AVEN: variants seen among roughly 807,000 people sequenced by gnomAD.
AVEN encodes the protein cell death regulator Aven.
AVEN carries 41 observed loss-of-function variants against 38.1 expected under a neutral mutation model. The observed-to-expected ratio is 1.08, with a 90% CI of 0.84 to 1.40. AVEN has a LOEUF of 1.40. Ranked by LOEUF, AVEN falls within the 40% of genes most tolerant of loss-of-function variation. The probability of loss-of-function intolerance (pLI) is 0.00; values close to 1 mark genes in which losing one functional copy is unlikely to be tolerated. For synonymous variants in AVEN, 206 were observed against 171.8 expected (o/e 1.20, Z -1.56); for missense variants, 605 against 438.8 (o/e 1.38, Z -3.38).
At chr15:34,056,667 G>A (rs1475487515) in intron 5 of AVEN, among the ~76,000 whole-genome samples, 1 of 152,132 alleles carries the variant, frequency 6.6e-6, no homozygotes, top group Non-Finnish European at 1.5e-5. Flanking sequence ...TCTCCTCAAG[G>A]TTGTTCTGCT....
At chr15:33,877,376 A>C (rs540528842) in intron 2 of AVEN, among the ~76,000 whole-genome samples, 1 of 152,380 alleles carries the variant, frequency 6.6e-6, no homozygotes, top group South Asian at 2.1e-4. Context: ...AAAGCAGGGG[A>C]CAACAGCATG....
intron 2 of AVEN, among the ~76,000 whole-genome samples, chr15:33,936,667 C>A (rs1339681554): frequency 7.2e-5 from 11 of 152,158 alleles, no homozygotes; most frequent in African/African-American, 2.7e-4. Flanking sequence ...ATTTAATCAA[C>A]TTCTCCTAAA....
At chr15:33,865,308 T>C (rs1197733506), downstream of AVEN, 48 of 912,652 alleles carry the variant, frequency 5.3e-5, no homozygotes, top group East Asian at 7.1e-4. Context: ...CTGCAACATA[T>C]CTGAAATGTG....
chr15:33,962,498 G>A (rs1895227134), intron 2 of AVEN, among the ~76,000 whole-genome samples: 1 of 152,088 alleles, frequency 6.6e-6, no homozygotes. Context: ...TTATACCTCT[G>A]TATATTCCTG....
intron 3 of AVEN, among the ~76,000 whole-genome samples, chr15:33,875,383 G>C (rs1891175325): frequency 6.6e-6 from 1 of 152,152 alleles, no homozygotes; most frequent in African/African-American, 2.4e-5. Context: ...AAAATAATCA[G>C]AACTCCTTGG....
At chr15:34,026,645 C>G (rs1427236333) in intron 1 of AVEN, among the ~76,000 whole-genome samples, 2 of 151,946 alleles carry the variant, frequency 1.3e-5, no homozygotes, top group Non-Finnish European at 2.9e-5. Flanking sequence ...ACAATCAGAA[C>G]AAGGATCACT....
In AVEN at chr15:33,921,742, T is replaced by A. The variant is rs1597233756; in HGVS notation, c.446-45747A>T. On this transcript the variant is annotated intron_variant, in intron 2 of 5. Coordinates refer to ENST00000306730, the MANE Select transcript of AVEN (RefSeq NM_020371.3). The stretch of plus-strand genomic sequence containing the variant: ...CTTTCCTATTCTGAAGAGACAAGAA[T>A]CATACTCAAAATGTAAGCACATCCA... 5.1e-5 allele frequency among the ~76,000 whole-genome samples: 4 copies of A among 78,218 alleles called. No homozygotes were observed. The East Asian group carries it at 2.3e-3, about 44-fold the overall frequency. 51.3% of individuals were successfully genotyped at this position (78,218 alleles called of 152,430 possible). A position where few individuals can be genotyped will look rare whatever the true frequency, so the allele number is the denominator to read the frequency against.
chr15:34,069,510 A>G (rs1158654796), intron 2 of AVEN, among the ~76,000 whole-genome samples: 1 of 152,228 alleles, frequency 6.6e-6, no homozygotes, highest in Non-Finnish European at 1.5e-5. Context: ...TTTCCTTATT[A>G]GATTCCATTT....
At chr15:33,922,227 T>C (rs1181829445) in intron 2 of AVEN, among the ~76,000 whole-genome samples, 2 of 152,166 alleles carry the variant, frequency 1.3e-5, no homozygotes, top group Non-Finnish European at 2.9e-5. Flanking sequence ...TGATTCCTAA[T>C]GGAAACAGCT....
At chr15:33,994,737 G>A (rs1478759406) in intron 2 of AVEN, among the ~76,000 whole-genome samples, 1 of 152,014 alleles carries the variant, frequency 6.6e-6, no homozygotes, top group East Asian at 1.9e-4. Context: ...CTGTTACAAT[G>A]GAAATCTACT....
chr15:33,980,562 A>G (rs1896092125), intron 2 of AVEN, among the ~76,000 whole-genome samples: 2 of 152,112 alleles, frequency 1.3e-5, no homozygotes, highest in African/African-American at 4.8e-5. Flanking sequence ...ATCCTGGGAG[A>G]TCAGGCAAAA....
intron 5 of AVEN, among the ~76,000 whole-genome samples, chr15:34,047,810 G>T (rs1275851925): frequency 6.6e-6 from 1 of 152,006 alleles, no homozygotes; most frequent in Non-Finnish European, 1.5e-5. Context: ...GTGCAATGGC[G>T]CAATCTCGGC....
chr15:33,949,063 G>T (rs1485757986), intron 2 of AVEN, among the ~76,000 whole-genome samples: 4 of 152,038 alleles, frequency 2.6e-5, no homozygotes, highest in African/African-American at 7.2e-5. Context: ...TGCCCTTGTT[G>T]CCCAGGCTAG....
chr15:33,922,988 G>A (rs894161730), intron 2 of AVEN, among the ~76,000 whole-genome samples: 1 of 152,066 alleles, frequency 6.6e-6, no homozygotes, highest in African/African-American at 2.4e-5. Context: ...TCATGTATAT[G>A]TGTATATATA....
In AVEN at chr15:33,871,010, A is replaced by AT. The variant is rs1293316794; in HGVS notation, c.536dup (p.Asp179GlufsTer2). On this transcript the variant is annotated frameshift_variant, in exon 4 of 6. Transcript: ENST00000306730. LOFTEE classifies it high-confidence loss of function. ...GAAGGGCTCGAACCAATAACTCACT[A>AT]TCCACATAAAATGCTGAATTCTATA... 16 of 1,601,936 alleles carry AT rather than the reference A, an allele frequency of 1.0e-5. No homozygotes were observed. Among genetic ancestry groups the AT allele is most frequent in the African/African-American group, 1.3e-5 (1 of 74,674 alleles).
intron 1 of AVEN, among the ~76,000 whole-genome samples, chr15:34,006,286 G>A (rs1036803788): frequency 1.8e-4 from 28 of 151,596 alleles, no homozygotes; most frequent in African/African-American, 5.8e-4. Flanking sequence ...AATCCAGCCC[G>A]GGCAACAGAG....
upstream of AVEN, among the ~76,000 whole-genome samples, chr15:34,042,558 G>A (rs558716777): frequency 1.1e-4 from 16 of 151,590 alleles, no homozygotes; most frequent in Non-Finnish European, 1.9e-4. Flanking sequence ...GCACCACCAC[G>A]CCCGGCTAAT....
intron 1 of AVEN, among the ~76,000 whole-genome samples, chr15:34,073,347 G>A (rs1416148911): frequency 2.7e-5 from 4 of 149,270 alleles, no homozygotes; most frequent in South Asian, 4.3e-4. Context: ...GAGCCACCGC[G>A]CCCGGCCTGT....
chr15:33,977,360 G>A (rs780598485), intron 2 of AVEN, among the ~76,000 whole-genome samples: 2 of 152,124 alleles, frequency 1.3e-5, no homozygotes, highest in Non-Finnish European at 2.9e-5. Flanking sequence ...AGATGAGACA[G>A]ATTCAAAACA....
Sources: gnomAD v4.1 joint callset for allele counts (sites outside exome capture counted in the v4.1 genomes callset) on GRCh38, gnomAD v4.1.1 for gene constraint, MANE v1.5 for transcripts, NCBI Gene and HGNC (gene_info 2026-07-23, HGNC 2026-07-21) for gene names.